The following EAF2 variants were observed in gnomAD, a reference collection of about 807,000 sequenced individuals.
EAF2 encodes ELL-associated factor 2.
A neutral mutation model predicts 29.4 loss-of-function variants in EAF2; 29 were observed. The ratio of observed to expected loss-of-function variants is 0.99; its 90% CI spans 0.73 to 1.35. The LOEUF is 1.35. EAF2 is among the 40% of genes most tolerant of loss of function. EAF2 has a pLI of 0.00. For missense variants in EAF2, 292 were observed against 312.0 expected, an observed-to-expected ratio of 0.94 and a Z score of 0.48; for synonymous variants, 103 against 102.5, an observed-to-expected ratio of 1.00 and a Z score of -0.03.
At chr3:121,860,770 C>T (rs1457437603) in intron 4 of EAF2, among the ~76,000 whole-genome samples, 2 of 152,042 alleles carry the variant, frequency 1.3e-5, no homozygotes, top group Admixed American at 6.6e-5. Context: ...GTTACGGTGT[C>T]GATTTTAGAT....
chr3:121,866,754 G>T (rs12487516), intron 4 of EAF2, among the ~76,000 whole-genome samples: 15,372 of 151,778 alleles, frequency 0.1, 818 homozygotes, highest in South Asian at 0.16. Context: ...AAAATAAAAA[G>T]AAAAAGAAAA....
At chr3:121,872,463 A>G in intron 4 of EAF2, 74 bp from the exon 5 acceptor site, 1 of 1,180,310 alleles carries the variant, frequency 8.5e-7, no homozygotes, top group Non-Finnish European at 1.2e-6. Context: ...TTAAAAACTA[A>G]TACATTCAAT....
intron 3 of EAF2, among the ~76,000 whole-genome samples, 188 bp downstream of exon 3, chr3:121,855,011 G>A (rs191214144): frequency 8.7e-4 from 133 of 152,250 alleles, no homozygotes; most frequent in Non-Finnish European, 7.4e-4. Flanking sequence ...ATTACCCTGT[G>A]ATATATAAAA....
intron 5 of EAF2, among the ~76,000 whole-genome samples, chr3:121,882,633 G>A (rs1192624737): frequency 6.6e-6 from 1 of 151,916 alleles, no homozygotes; most frequent in Non-Finnish European, 1.5e-5. Flanking sequence ...TTAATTTGTA[G>A]GAATGTAAAT....
chr3:121,883,649 A>C (rs532219381), intron 5 of EAF2, among the ~76,000 whole-genome samples: 6 of 152,174 alleles, frequency 3.9e-5, no homozygotes, highest in Non-Finnish European at 8.8e-5. Context: ...CTCCCCTCCC[A>C]CTAAATGCTA....
chr3:121,840,023 T>C (rs1708380909), intron 1 of EAF2, among the ~76,000 whole-genome samples: 1 of 142,962 alleles, frequency 7.0e-6, no homozygotes, highest in Admixed American at 7.1e-5. Context: ...TGAAACCTTG[T>C]CTCTACTGAA....
At chr3:121,867,886 A>G (rs372620432) in intron 4 of EAF2, among the ~76,000 whole-genome samples, 2 of 152,228 alleles carry the variant, frequency 1.3e-5, no homozygotes, top group African/African-American at 2.4e-5. Flanking sequence ...CAAGTCAGGT[A>G]TGTATATTGA....
At chr3:121,860,655 T>C (rs1006604769) in intron 4 of EAF2, among the ~76,000 whole-genome samples, 6 of 152,190 alleles carry the variant, frequency 3.9e-5, no homozygotes, top group African/African-American at 1.4e-4. Flanking sequence ...AAGGGTTTTT[T>C]GTGTCTCTAT....
chr3:121,842,548 T>C (rs1708455455), intron 1 of EAF2, among the ~76,000 whole-genome samples: 1 of 152,232 alleles, frequency 6.6e-6, no homozygotes, highest in Non-Finnish European at 1.5e-5. Context: ...ATCTGTAAGA[T>C]GGGGTATTCA....
intron 2 of EAF2, 31 bp downstream of exon 2, chr3:121,844,578 C>T (rs2107501610): frequency 7.3e-7 from 1 of 1,374,250 alleles, no homozygotes; most frequent in East Asian, 2.4e-5. Flanking sequence ...AAAGTGATCA[C>T]TTTTGTGGGA....
intron 2 of EAF2, among the ~76,000 whole-genome samples, chr3:121,852,288 C>T (rs1053116804): frequency 6.6e-6 from 1 of 152,136 alleles, no homozygotes; most frequent in African/African-American, 2.4e-5. Flanking sequence ...AATCTCTTAT[C>T]AACTGTAATT....
intron 1 of EAF2, chr3:121,836,934 ATTGCCTTTGAAAATAATC>A (rs1708307781): frequency 2.6e-6 from 1 of 385,292 alleles, no homozygotes; most frequent in Non-Finnish European, 3.6e-6. Flanking sequence ...TGAATAAAAA[ATTGCCTTTGAAAATAATC>A]TTGCAGGTCC....
chr3:121,863,061 C>T (rs568116897), intron 4 of EAF2, among the ~76,000 whole-genome samples: 3 of 152,242 alleles, frequency 2.0e-5, no homozygotes, highest in African/African-American at 7.2e-5. Context: ...CTGGAAGCTT[C>T]GTCTCAGAGG....
chr3:121,883,195 T>G (rs1559832291), intron 5 of EAF2, among the ~76,000 whole-genome samples: 1 of 152,144 alleles, frequency 6.6e-6, no homozygotes, highest in East Asian at 1.9e-4. Flanking sequence ...ACTCATATTA[T>G]CAACAATTTT....
At chr3:121,862,236 A>T (rs971594037) in intron 4 of EAF2, among the ~76,000 whole-genome samples, 11 of 152,176 alleles carry the variant, frequency 7.2e-5, no homozygotes, top group African/African-American at 2.4e-4. Context: ...AGGTTGGGGA[A>T]GTTCTCCTGG....
intron 4 of EAF2, among the ~76,000 whole-genome samples, chr3:121,871,181 T>C (rs1402658669): frequency 6.6e-6 from 1 of 151,364 alleles, no homozygotes; most frequent in Non-Finnish European, 1.5e-5. Flanking sequence ...TATAATATAA[T>C]ATAATATAAT....
chr3:121,885,970 C>A (rs1478386410), intron 5 of EAF2, among the ~76,000 whole-genome samples: 1 of 151,830 alleles, frequency 6.6e-6, no homozygotes, highest in South Asian at 2.1e-4. Flanking sequence ...GATTTTGACT[C>A]CATTTTAAGT....
chr3:121,851,629 T>G (rs1708633012), intron 2 of EAF2, among the ~76,000 whole-genome samples: 1 of 152,064 alleles, frequency 6.6e-6, no homozygotes. Context: ...TCATGGAGGG[T>G]CCATGTGCAG....
chr3:121,840,488 TAAAAA>T (rs1221757062), intron 1 of EAF2, among the ~76,000 whole-genome samples: 2 of 35,012 alleles, frequency 5.7e-5, no homozygotes, highest in Non-Finnish European at 9.4e-5. Context: ...AGACTTCGTC[TAAAAA>T]AAAAAAAAAA....
Sources: allele counts gnomAD v4.1 joint callset (sites outside exome capture counted in the v4.1 genomes callset), GRCh38; gene constraint gnomAD v4.1.1; transcripts MANE v1.5; gene names NCBI Gene and HGNC (gene_info 2026-07-23, HGNC 2026-07-21).